Variants in SNX24 observed in about 807,000 individuals in gnomAD.
The protein encoded by SNX24 is sorting nexin 24.
SNX24 carries 22 observed loss-of-function variants against 28.7 expected under a neutral mutation model. The observed-to-expected ratio is 0.77, with a 90% CI of 0.55 to 1.10. SNX24 has a LOEUF of 1.10. SNX24 is among the 50% of genes least tolerant of loss of function. The pLI, the probability that SNX24 is intolerant of heterozygous loss-of-function variation, is 0.00. For synonymous variants in SNX24, 69 were observed against 71.5 expected (o/e 0.96, Z 0.18); for missense variants, 221 against 201.1 (o/e 1.10, Z -0.60).
At chr5:123,027,055 A>G (rs1762869917) in intron 5 of SNX24, among the ~76,000 whole-genome samples, 1 of 152,068 alleles carries the variant, frequency 6.6e-6, no homozygotes, top group Non-Finnish European at 1.5e-5. Context: ...TCAGCCGGGC[A>G]TGGTGGCGGG....
chr5:123,023,206 T>G (rs1762787260), intron 5 of SNX24: 1 of 152,232 alleles, frequency 6.6e-6, no homozygotes, highest in African/African-American at 2.4e-5. Flanking sequence ...TAACAATAAG[T>G]AAATAATCAC....
Position 123,014,333 on chromosome 5 carries a change from A to ATTTTTTTTTTTTTTTTTTTTTTTTTT in SNX24, n.383+12333_383+12358dup, listed in dbSNP as rs70988553. 2.6e-5 allele frequency among the ~76,000 whole-genome samples: 2 copies of ATTTTTTTTTTTTTTTTTTTTTTTTTT among 77,270 alleles called. 1 individual carries two copies. The allele number at this position is 77,270 out of a possible 152,430, so 50.7% of individuals were successfully genotyped here. On this transcript the variant is annotated intron_variant and non_coding_transcript_variant, in intron 5 of 5. Transcript: ENST00000502387. ...AGGCACACGCCACTGTGCCCAGCTG[A>ATTTTTTTTTTTTTTTTTTTTTTTTTT]TTTTTTTTTTTTTTTTTTTTTTTTT... is the stretch of plus-strand genomic sequence containing the variant.
chr5:122,852,207 C>T (rs1241585017), intron 1 of SNX24, among the ~76,000 whole-genome samples: 1 of 151,116 alleles, frequency 6.6e-6, no homozygotes, highest in Non-Finnish European at 1.5e-5. Context: ...GATACATGTG[C>T]AGAAAGTGCA....
intron 1 of SNX24, among the ~76,000 whole-genome samples, chr5:122,865,873 C>T (rs556700365): frequency 1.3e-5 from 2 of 152,144 alleles, no homozygotes; most frequent in Non-Finnish European, 2.9e-5. Context: ...TACACTAACT[C>T]CTTCCCTAGA....
intron 1 of SNX24, among the ~76,000 whole-genome samples, chr5:122,912,122 T>G (rs1302612055): frequency 7.3e-6 from 1 of 136,944 alleles, no homozygotes; most frequent in Non-Finnish European, 1.5e-5. Context: ...TTCTTCCATT[T>G]GTTTGTATCC....
intron 1 of SNX24, among the ~76,000 whole-genome samples, chr5:122,915,674 T>A (rs1758129326): frequency 6.6e-6 from 1 of 152,146 alleles, no homozygotes; most frequent in South Asian, 2.1e-4. Flanking sequence ...TCATATCAGC[T>A]CCCACTTAAA....
intron 3 of SNX24, among the ~76,000 whole-genome samples, chr5:122,973,993 G>A (rs188775391): frequency 4.6e-5 from 7 of 152,296 alleles, no homozygotes; most frequent in African/African-American, 1.7e-4. Context: ...TGGACTTGTT[G>A]CAGAGCCTTC....
chr5:122,883,545 A>C (rs548055407), intron 1 of SNX24, among the ~76,000 whole-genome samples: 1 of 152,182 alleles, frequency 6.6e-6, no homozygotes, highest in Admixed American at 6.5e-5. Context: ...ATGAACTTCT[A>C]TTAATGTCTG....
At chr5:123,001,563 A>G (rs922363539) in intron 5 of SNX24, 126 bp downstream of exon 5, 2 of 729,454 alleles carry the variant, frequency 2.7e-6, no homozygotes, top group Admixed American at 6.1e-5. Flanking sequence ...TTAAGATTAT[A>G]AATATTTGAT....
intron 3 of SNX24, among the ~76,000 whole-genome samples, chr5:122,977,151 G>A (rs1761197709): frequency 6.6e-6 from 1 of 152,040 alleles, no homozygotes; most frequent in Non-Finnish European, 1.5e-5. Flanking sequence ...GAAGAAATGG[G>A]GTTGTGGAAG....
intron 1 of SNX24, among the ~76,000 whole-genome samples, chr5:122,889,687 G>T (rs10155648): frequency 2.2e-5 from 3 of 139,056 alleles, no homozygotes; most frequent in African/African-American, 8.1e-5. Context: ...GTATATATAT[G>T]TATATGTATG....
chr5:123,017,288 C>T (rs969354497), intron 5 of SNX24, among the ~76,000 whole-genome samples: 1 of 152,128 alleles, frequency 6.6e-6, no homozygotes, highest in African/African-American at 2.4e-5. Context: ...GGTTCCTTCT[C>T]ACCTCTTAGG....
intron 5 of SNX24, among the ~76,000 whole-genome samples, chr5:123,001,722 T>G (rs1362840035): frequency 6.6e-6 from 1 of 152,214 alleles, no homozygotes; most frequent in African/African-American, 2.4e-5. Flanking sequence ...TTGTATAGAT[T>G]GTATATTTGC....
intron 3 of SNX24, among the ~76,000 whole-genome samples, chr5:122,963,368 A>G (rs1375531929): frequency 2.6e-5 from 4 of 152,188 alleles, no homozygotes; most frequent in Non-Finnish European, 5.9e-5. Flanking sequence ...AATTTCCAGA[A>G]AGCCAGCTCA....
chr5:122,882,937 A>G (rs1055031406), intron 1 of SNX24, among the ~76,000 whole-genome samples: 5 of 152,104 alleles, frequency 3.3e-5, no homozygotes, highest in Non-Finnish European at 5.9e-5. Flanking sequence ...GTAGGAGAGG[A>G]ATTGGAGAAA....
At chr5:123,014,330 C>T (rs1762643247) in intron 5 of SNX24, among the ~76,000 whole-genome samples, 1 of 118,462 alleles carries the variant, frequency 8.4e-6, no homozygotes, top group Non-Finnish European at 1.7e-5. Context: ...CTGTGCCCAG[C>T]TGATTTTTTT....
At chr5:122,890,139 T>C (rs1439166324) in intron 1 of SNX24, among the ~76,000 whole-genome samples, 3 of 152,198 alleles carry the variant, frequency 2.0e-5, no homozygotes, top group African/African-American at 7.2e-5. Context: ...GGTGACGCAT[T>C]TGGGGCTGGA....
At chr5:122,932,948 C>T (rs189756247) in intron 1 of SNX24, among the ~76,000 whole-genome samples, 1 of 151,634 alleles carries the variant, frequency 6.6e-6, no homozygotes, top group East Asian at 1.9e-4. Flanking sequence ...GCCAGACATT[C>T]CTATTCATAA....
At chr5:122,982,675 ATG>A (rs1761441758) in intron 3 of SNX24, among the ~76,000 whole-genome samples, 1 of 152,218 alleles carries the variant, frequency 6.6e-6, no homozygotes, top group South Asian at 2.1e-4. Flanking sequence ...ACAATGTAAT[ATG>A]TGTGTTTGAA....
Sources: gnomAD v4.1 joint callset for allele counts (sites outside exome capture counted in the v4.1 genomes callset) on GRCh38, gnomAD v4.1.1 for gene constraint, MANE v1.5 for transcripts, NCBI Gene and HGNC (gene_info 2026-07-23, HGNC 2026-07-21) for gene names.